The following NUDT9 variants were observed in gnomAD, a reference collection of about 807,000 sequenced individuals.
NUDT9 encodes the protein nudix hydrolase 9.
A neutral mutation model predicts 41.0 loss-of-function variants in NUDT9; 31 were observed. The observed-to-expected ratio is 0.76, with a 90% CI of 0.57 to 1.02. The LOEUF is 1.02. Ranked by LOEUF, NUDT9 falls within the 50% of genes least tolerant of loss-of-function variation. The pLI is 0.00. For synonymous variants in NUDT9, 146 were observed against 147.6 expected, an observed-to-expected ratio of 0.99 and a Z score of 0.08; for missense variants, 380 against 431.4, an observed-to-expected ratio of 0.88 and a Z score of 1.06.
intron 5 of NUDT9, 106 bp from the exon 6 acceptor site, chr4:87,451,483 A>G (rs780085129): frequency 4.6e-5 from 40 of 865,182 alleles, no homozygotes; most frequent in Admixed American, 1.5e-4. Context: ...GGGGATCACT[A>G]TTATAGGCAG....
At position 87,449,176 on chromosome 4, in the gene NUDT9, C is replaced by G. The variant is rs1015079225; in HGVS notation, c.565C>G (p.His189Asp). 6.2e-7 allele frequency: 1 copy of G among 1,609,264 alleles called. No individual in the cohort carries two copies. The highest frequency in any genetic ancestry group is 1.1e-5 in the South Asian group (1 of 90,974). ...GGATAGCAGTGGAAATAAAATCATG[C>G]ATCCTGTTTCTGGGAAGCATATCTT... ...KRDSSGNKIM[H>D]PVSGKHILQF... Residue 189 changes from histidine to aspartate, a missense_variant, in exon 5 of 8, where the codon CAT (histidine) becomes GAT (aspartate). Coordinates refer to ENST00000302174, the MANE Select transcript of NUDT9 (RefSeq NM_024047.5).
At chr4:87,425,100 A>G (rs1415997480) in intron 1 of NUDT9, among the ~76,000 whole-genome samples, 1 of 152,154 alleles carries the variant, frequency 6.6e-6, no homozygotes, top group African/African-American at 2.4e-5. Flanking sequence ...TAACACCTGT[A>G]ATCCCAGTGC....
At chr4:87,430,847 A>G (rs1333190125) in intron 1 of NUDT9, among the ~76,000 whole-genome samples, 2 of 152,110 alleles carry the variant, frequency 1.3e-5, no homozygotes, top group Non-Finnish European at 2.9e-5. Flanking sequence ...CTTATCAGAC[A>G]TGTGATTACC....
chr4:87,433,427 A>C (rs965035021), intron 1 of NUDT9, among the ~76,000 whole-genome samples: 2 of 152,144 alleles, frequency 1.3e-5, no homozygotes, highest in African/African-American at 2.4e-5. Flanking sequence ...CCTAATGTTC[A>C]GATTCATGTC....
chr4:87,425,805 A>C (rs888341484), intron 1 of NUDT9, among the ~76,000 whole-genome samples: 7 of 150,830 alleles, frequency 4.6e-5, no homozygotes, highest in Non-Finnish European at 1.0e-4. Context: ...TGTGATTACT[A>C]GAAGGTTTCC....
In NUDT9 at chr4:87,458,166, C is replaced by T. The variant is rs959555446; in HGVS notation, c.*145C>T. 5.0e-6 allele frequency: 3 copies of T among 602,582 alleles called. No individual in the cohort carries two copies. Among genetic ancestry groups the T allele is most frequent in the South Asian group, 5.7e-5 (1 of 17,650 alleles). The allele number at this position is 602,582 out of a possible 1,614,324, so 37.3% of individuals were successfully genotyped here. A position where few individuals can be genotyped will look rare whatever the true frequency, so the allele number is the denominator to read the frequency against. On this transcript the variant is annotated 3_prime_UTR_variant, in exon 8 of 8. Coordinates refer to ENST00000302174, the MANE Select transcript of NUDT9 (RefSeq NM_024047.5). The stretch of plus-strand genomic sequence containing the variant: ...AACAATTTGCATTTAGAGTGTTTCG[C>T]ATCAGAATAACATGAGTAAGATGAA...
At chr4:87,430,510 TC>T (rs1199254530) in intron 1 of NUDT9, among the ~76,000 whole-genome samples, 4 of 152,248 alleles carry the variant, frequency 2.6e-5, no homozygotes, top group African/African-American at 9.6e-5. Flanking sequence ...GAATCTTTTT[TC>T]AGCAATGCCT....
At chr4:87,437,503 G>C (rs776058710) in intron 2 of NUDT9, among the ~76,000 whole-genome samples, 17 of 151,010 alleles carry the variant, frequency 1.1e-4, no homozygotes, top group Non-Finnish European at 2.5e-4. Flanking sequence ...ACCATGCCCA[G>C]CTAATTTTTT....
chr4:87,444,896 T>C (rs111242491), intron 4 of NUDT9, among the ~76,000 whole-genome samples: 4 of 152,304 alleles, frequency 2.6e-5, no homozygotes, highest in African/African-American at 9.6e-5. Context: ...AAGTTGATGT[T>C]CTTTGTTATC....
intron 2 of NUDT9, among the ~76,000 whole-genome samples, chr4:87,438,034 GGTTA>G (rs1722032402): frequency 6.6e-6 from 1 of 151,764 alleles, no homozygotes; most frequent in African/African-American, 2.4e-5. Context: ...TTCCTGGAGG[GGTTA>G]GTAAGTTTAA....
chr4:87,455,302 A>G (rs1722936220), intron 7 of NUDT9, among the ~76,000 whole-genome samples: 1 of 152,166 alleles, frequency 6.6e-6, no homozygotes. Flanking sequence ...ACCATTTTCT[A>G]TTCCTGTATT....
chr4:87,426,505 G>C (rs906614500), intron 1 of NUDT9, among the ~76,000 whole-genome samples: 1 of 151,962 alleles, frequency 6.6e-6, no homozygotes, highest in African/African-American at 2.4e-5. Flanking sequence ...TGCCTCCAGG[G>C]TTCAAGCGAT....
At chr4:87,444,606 A>T (rs1171951757) in intron 4 of NUDT9, among the ~76,000 whole-genome samples, 2 of 152,260 alleles carry the variant, frequency 1.3e-5, no homozygotes, top group Non-Finnish European at 2.9e-5. Flanking sequence ...ACAGGAAGGT[A>T]TGAAATGTTT....
intron 6 of NUDT9, among the ~76,000 whole-genome samples, chr4:87,454,029 T>G (rs1333745758): frequency 6.6e-6 from 1 of 151,802 alleles, no homozygotes; most frequent in Non-Finnish European, 1.5e-5. Context: ...ATGGCTAATT[T>G]TTTTTGTATT....
chr4:87,431,542 A>G (rs1306502863), intron 1 of NUDT9, among the ~76,000 whole-genome samples: 1 of 152,210 alleles, frequency 6.6e-6, no homozygotes, highest in Non-Finnish European at 1.5e-5. Flanking sequence ...GTCAATGAAC[A>G]TAGGATGTCT....
chr4:87,433,844 G>T (rs993342767), intron 1 of NUDT9, among the ~76,000 whole-genome samples: 5 of 151,850 alleles, frequency 3.3e-5, no homozygotes, highest in African/African-American at 1.2e-4. Flanking sequence ...TTTAAATTTT[G>T]CTCTAAAGGT....
chr4:87,424,843 T>G (rs1721334884), intron 1 of NUDT9, among the ~76,000 whole-genome samples: 1 of 152,214 alleles, frequency 6.6e-6, no homozygotes, highest in Non-Finnish European at 1.5e-5. Context: ...TCTTCGTTTT[T>G]GTAACTCTGG....
chr4:87,435,337 A>G (rs907442715), intron 2 of NUDT9, 117 bp downstream of exon 2: 4 of 1,180,070 alleles, frequency 3.4e-6, no homozygotes, highest in African/African-American at 3.1e-5. Context: ...TAGCTGTGTT[A>G]TAACTCAGTT....
At position 87,445,765 on chromosome 4, in the gene NUDT9, A is replaced by G. The variant is rs141572732; in HGVS notation, c.531-3377A>G. Among the ~76,000 whole-genome samples the G allele has an allele frequency of 2.0e-5, 3 of 152,330 alleles. No individual in the cohort carries two copies. In the East Asian group the frequency reaches 5.8e-4, roughly 29 times the overall value. Reference sequence around the variant, plus strand: ...GATGTATTAGTTCTGTTAGATCAAGAAATTTTGTTTTAAAATTGGTGATAA... The same window carrying G: ...GATGTATTAGTTCTGTTAGATCAAGGAATTTTGTTTTAAAATTGGTGATAA... On this transcript the variant is annotated intron_variant, in intron 4 of 7. Coordinates refer to ENST00000302174, the MANE Select transcript of NUDT9 (RefSeq NM_024047.5).
Sources: allele counts gnomAD v4.1 joint callset (sites outside exome capture counted in the v4.1 genomes callset), GRCh38; gene constraint gnomAD v4.1.1; transcripts MANE v1.5; gene names NCBI Gene and HGNC (gene_info 2026-07-23, HGNC 2026-07-21).